Variants in BNIP2 observed in about 807,000 individuals in gnomAD.
BNIP2 encodes BCL2 interacting protein 2.
Under a neutral mutation model 43.4 loss-of-function variants are expected in BNIP2, and 36 were observed. The observed-to-expected ratio is 0.83, with a 90% confidence interval of 0.64 to 1.10. The LOEUF (loss-of-function observed/expected upper bound fraction) is 1.10. Ranked by LOEUF, BNIP2 falls within the 50% of genes least tolerant of loss-of-function variation. The pLI, the probability that BNIP2 is intolerant of heterozygous loss-of-function variation, is 0.00. For synonymous variants in BNIP2, 146 were observed against 121.0 expected, an observed-to-expected ratio of 1.21 and a Z score of -1.35; for missense variants, 417 against 374.1, an observed-to-expected ratio of 1.11 and a Z score of -0.95.
At chr15:59,676,830 C>CCTGCCGGGAATT in intron 5 of BNIP2, 1 of 1,551,026 alleles carries the variant, frequency 6.4e-7, no homozygotes, top group Non-Finnish European at 8.7e-7. Flanking sequence ...TACTTCCCTT[C>CCTGCCGGGAATT]CTGCCGGGAA....
intron 1 of BNIP2, chr15:59,688,435 TATTCAA>T: frequency 3.2e-6 from 1 of 307,726 alleles, no homozygotes; most frequent in Non-Finnish European, 6.2e-6. Flanking sequence ...TCACATAGTT[TATTCAA>T]TTAAATAAAT....
intron 1 of BNIP2, among the ~76,000 whole-genome samples, chr15:59,683,329 G>A (rs1045485476): frequency 3.9e-5 from 6 of 152,202 alleles, no homozygotes; most frequent in Admixed American, 2.0e-4. Flanking sequence ...GGTTAACAAT[G>A]CAACAAAACA....
chr15:59,673,471 G>C (rs146753299), intron 5 of BNIP2, among the ~76,000 whole-genome samples: 1 of 152,114 alleles, frequency 6.6e-6, no homozygotes, highest in African/African-American at 2.4e-5. Flanking sequence ...CATTGCCCAG[G>C]ATGGAGTGCA....
chr15:59,675,332 C>T (rs532875680), intron 5 of BNIP2, among the ~76,000 whole-genome samples: 1 of 146,696 alleles, frequency 6.8e-6, no homozygotes. Context: ...GTTTTAGGGC[C>T]GGGCACGGTG....
chr15:59,676,589 T>C (rs950191321), intron 5 of BNIP2, among the ~76,000 whole-genome samples: 1 of 152,250 alleles, frequency 6.6e-6, no homozygotes. Context: ...AAACCTGTCA[T>C]GTTTCTAAAA....
Position 59,660,353 on chromosome 15 carries a change from A to AT in BNIP2, c.*3715dup. The AT allele has an allele frequency of 6.6e-6, 1 of 152,184 alleles. No individual in the cohort carries two copies. Among genetic ancestry groups the AT allele is most frequent in the Middle Eastern group, 3.4e-3 (1 of 294 alleles). The allele number at this position is 152,184 out of a possible 1,614,324, so 9.4% of individuals were successfully genotyped here. On this transcript the variant is annotated 3_prime_UTR_variant, in exon 10 of 10. Coordinates refer to ENST00000607373, the MANE Select transcript of BNIP2 (RefSeq NM_004330.4). ...AAAATAGAATGGTGTAGCAATCTCTATTTTCAGCCTATCTCCTACTCCCAT... is the reference window on the plus strand; with the variant it reads ...AAAATAGAATGGTGTAGCAATCTCTATTTTTCAGCCTATCTCCTACTCCCAT...
In BNIP2 at chr15:59,664,078, AT is replaced by A; in HGVS notation, c.935del (p.Asn312MetfsTer8). On this transcript the variant is annotated frameshift_variant, in exon 10 of 10. Transcript: ENST00000607373. LOFTEE classifies it high-confidence loss of function. Reference protein sequence around the residue: ...ELNGKQDEPKNEQ With the variant: ...ELNGKQDEPKXEQ ...GGACTAGATGCCAAACTTACTGTTC[AT>A]TTTTCGGTTCATCTTGTTTTCCATT... 2 of 1,549,398 alleles carry A rather than the reference AT, an allele frequency of 1.3e-6. No individual in the cohort carries two copies. Among genetic ancestry groups the A allele is most frequent in the Non-Finnish European group, 8.7e-7 (1 of 1,145,030 alleles).
intron 1 of BNIP2, among the ~76,000 whole-genome samples, chr15:59,683,099 A>G (rs1893796715): frequency 6.6e-6 from 1 of 152,248 alleles, no homozygotes. Context: ...TATCTATACT[A>G]TGCCCTTCTC....
At chr15:59,689,000 C>A in intron 1 of BNIP2, 135 bp downstream of exon 1, 1 of 1,443,188 alleles carries the variant, frequency 6.9e-7, no homozygotes, top group South Asian at 1.5e-5. Context: ...TCTATGGCTC[C>A]CCCTACCAAG....
At position 59,677,377 on chromosome 15, in the gene BNIP2, T is replaced by G; in HGVS notation, c.472+534A>C. The G allele has an allele frequency of 3.3e-6, 5 of 1,535,796 alleles. No individual in the cohort carries two copies. The East Asian group carries it at 1.2e-4, about 38-fold the overall frequency. On this transcript the variant is annotated intron_variant, in intron 5 of 9. Coordinates refer to ENST00000607373, the MANE Select transcript of BNIP2 (RefSeq NM_004330.4). The stretch of plus-strand genomic sequence containing the variant: ...TCCATGGGAGATGACTCTTAAGCCA[T>G]AAGGGTTGGTTTTCCGTACTCCAAA...
At position 59,688,687 on chromosome 15, in the gene BNIP2, A is replaced by G. The variant is rs1894179141; in HGVS notation, c.-58+448T>C. 7.8e-6 allele frequency: 12 copies of G among 1,531,786 alleles called. No homozygotes were observed. The East Asian group carries it at 2.7e-4, about 34-fold the overall frequency. The allele number at this position is 1,531,786 out of a possible 1,614,324, so 94.9% of individuals were successfully genotyped here. A position where few individuals can be genotyped will look rare whatever the true frequency, so the allele number is the denominator to read the frequency against. ...GGGAAGATCTATTAAAGCCCTGATT[A>G]CTTATGCTGCTTCCGTGTCTATTCC... is the stretch of plus-strand genomic sequence containing the variant. On this transcript the variant is annotated intron_variant, in intron 1 of 9. Transcript: ENST00000607373.
At position 59,669,223 on chromosome 15, in the gene BNIP2, AAAAT is replaced by A. The variant is rs540122408; in HGVS notation, c.794+49_794+52del. ...ATGTATAGTTATTATGTGTTAACTA[AAAAT>A]AAATAAATAAAAAAAATAAAATTAA... On this transcript the variant is annotated intron_variant, in intron 8 of 9. Coordinates refer to ENST00000607373, the MANE Select transcript of BNIP2 (RefSeq NM_004330.4). The A allele has an allele frequency of 2.3e-4, 298 of 1,290,040 alleles. 3 individuals are homozygous for A. In the African/African-American group the frequency reaches 2.4e-3, roughly 11 times the overall value. 79.9% of individuals were successfully genotyped at this position (1,290,040 alleles called of 1,614,324 possible).
At chr15:59,687,746 T>C (rs1395583373) in intron 1 of BNIP2, among the ~76,000 whole-genome samples, 2 of 152,178 alleles carry the variant, frequency 1.3e-5, no homozygotes, top group Admixed American at 6.6e-5. Flanking sequence ...TTACTCCAGA[T>C]AGAATGAACA....
At chr15:59,670,266 AC>A (rs1892816539) in intron 7 of BNIP2, among the ~76,000 whole-genome samples, 1 of 152,146 alleles carries the variant, frequency 6.6e-6, no homozygotes, top group Non-Finnish European at 1.5e-5. Context: ...CGCTGTCTCT[AC>A]AAAAAATACA....
chr15:59,675,159 G>C (rs376356890), intron 5 of BNIP2, among the ~76,000 whole-genome samples: 19 of 151,512 alleles, frequency 1.3e-4, no homozygotes, highest in Middle Eastern at 3.2e-3. Flanking sequence ...TGAGGCTGGC[G>C]TATCGCTTGA....
chr15:59,668,118 T>G (rs1358792685), intron 9 of BNIP2: 8 of 1,297,822 alleles, frequency 6.2e-6, no homozygotes, highest in Non-Finnish European at 8.1e-6. Flanking sequence ...TTGTTTCTTT[T>G]TAAACTTTTC....
At chr15:59,672,989 G>A (rs974533309) in intron 5 of BNIP2, among the ~76,000 whole-genome samples, 10 of 152,150 alleles carry the variant, frequency 6.6e-5, no homozygotes, top group Admixed American at 2.0e-4. Flanking sequence ...ACTTAAATTC[G>A]CATATTTAAA....
chr15:59,684,191 A>G (rs1893874313), intron 1 of BNIP2, among the ~76,000 whole-genome samples: 1 of 152,220 alleles, frequency 6.6e-6, no homozygotes, highest in Non-Finnish European at 1.5e-5. Context: ...CCCTCAAGAG[A>G]AGGTTTTAAA....
rs1490476814 is a variant in BNIP2, at chr15:59,683,186, C to G, written c.-57-672G>C. 2.7e-5 allele frequency among the ~76,000 whole-genome samples: 4 copies of G among 150,720 alleles called. 1 individual carries two copies. The South Asian group carries it at 8.5e-4, about 32-fold the overall frequency. On this transcript the variant is annotated intron_variant, in intron 1 of 9. Coordinates refer to ENST00000607373, the MANE Select transcript of BNIP2 (RefSeq NM_004330.4). ...TGCAACTACGTATTTTAACATATGC[C>G]ATGAACTTTAGTTTTAGTTTTTCCA...
Sources: allele counts gnomAD v4.1 joint callset (sites outside exome capture counted in the v4.1 genomes callset), GRCh38; gene constraint gnomAD v4.1.1; transcripts MANE v1.5; gene names NCBI Gene and HGNC (gene_info 2026-07-23, HGNC 2026-07-21).